Variants in TUT1 observed in about 807,000 individuals in gnomAD.
The protein encoded by TUT1 is terminal uridylyl transferase 1, U6 snRNA-specific.
In TUT1, 26 loss-of-function variants were observed where a neutral mutation model predicts 48.8. That is an observed-to-expected ratio of 0.53 (90% confidence interval 0.39 to 0.74). The LOEUF is 0.74. Among genes scored for constraint, TUT1 ranks in the 30% least tolerant of loss-of-function variants. The pLI is 0.00. For missense variants in TUT1, 1,065 were observed against 1,114.8 expected, an observed-to-expected ratio of 0.96 and a Z score of 0.64; for synonymous variants, 470 against 460.8, an observed-to-expected ratio of 1.02 and a Z score of -0.26.
intron 3 of TUT1, 32 bp from the exon 4 acceptor site, chr11:62,581,238 G>A: frequency 6.2e-7 from 1 of 1,606,210 alleles, no homozygotes; most frequent in Non-Finnish European, 8.5e-7. Context: ...AAGGTCAAGA[G>A]AAGTTAGGGA....
At chr11:62,582,671 CTA>C (rs1391532220) in intron 2 of TUT1, 4 of 432,992 alleles carry the variant, frequency 9.2e-6, no homozygotes, top group Non-Finnish European at 1.9e-5. Flanking sequence ...CAGTCTGCCT[CTA>C]AAAACCTCAT....
In TUT1 at chr11:62,589,148, G is replaced by A; in HGVS notation, c.156C>T (p.Ala52=). The A allele has an allele frequency of 1.2e-6, 2 of 1,614,212 alleles. No homozygotes were observed. Among genetic ancestry groups the A allele is most frequent in the South Asian group, 2.2e-5 (2 of 91,086 alleles). The change falls in exon 2 of 9, where the codon GCC becomes GCT. Residue 52 remains alanine, a synonymous_variant. Coordinates refer to ENST00000476907, the MANE Select transcript of TUT1 (RefSeq NM_022830.3). The stretch of plus-strand genomic sequence containing the variant: ...TGACAAACACACTTCGAAGTCCCTG[G>A]GCCTTTCTCGCAGCTCGTAGTTCTA... ...HLVELRAARK[A]QGLRSVFVSG... is the part of the protein sequence containing the mutation.
Position 62,576,048 on chromosome 11 carries a change from G to A in TUT1, c.1671C>T (p.Ser557=). 6.2e-7 allele frequency: 1 copy of A among 1,613,898 alleles called. No individual in the cohort carries two copies. The highest frequency in any genetic ancestry group is 8.5e-7 in the Non-Finnish European group (1 of 1,180,042). ...LSHNVAANVT[S]RVAGRLQNCC... is the part of the protein sequence containing the mutation. ...AGTTCTGTAGGCGCCCAGCCACCCGGCTGGTCACATTGGCTGCGACATTGT... is the reference window on the plus strand; with the variant it reads ...AGTTCTGTAGGCGCCCAGCCACCCGACTGGTCACATTGGCTGCGACATTGT... Residue 557 remains serine, a synonymous_variant, in exon 9 of 9, where the codon AGC becomes AGT. Transcript: ENST00000476907.
intron 4 of TUT1, among the ~76,000 whole-genome samples, chr11:62,579,364 A>G (rs866870263): frequency 1.3e-5 from 2 of 152,180 alleles, no homozygotes; most frequent in Non-Finnish European, 2.9e-5. Flanking sequence ...ATCTGTGTCA[A>G]TGTAACATTT....
In TUT1 at chr11:62,576,392, A is replaced by G. The variant is rs1279554626; in HGVS notation, c.1475-148T>C. The G allele has an allele frequency of 2.8e-6, 3 of 1,068,686 alleles. No individual in the cohort carries two copies. The African/African-American group carries it at 4.8e-5, about 17-fold the overall frequency. 66.2% of individuals were successfully genotyped at this position (1,068,686 alleles called of 1,614,324 possible). A position where few individuals can be genotyped will look rare whatever the true frequency, so the allele number is the denominator to read the frequency against. On this transcript the variant is annotated intron_variant, in intron 8 of 8. Coordinates refer to ENST00000476907, the MANE Select transcript of TUT1 (RefSeq NM_022830.3). Reference sequence around the variant, plus strand: ...AGGAAGCTAGGCTTCTCTGATCCCTATAAACAAGAGGTCAAACCTCTCTCC... The same window carrying G: ...AGGAAGCTAGGCTTCTCTGATCCCTGTAAACAAGAGGTCAAACCTCTCTCC...
intron 2 of TUT1, among the ~76,000 whole-genome samples, chr11:62,582,117 G>A (rs190963821): frequency 6.6e-6 from 1 of 152,020 alleles, no homozygotes; most frequent in East Asian, 2.0e-4. Context: ...CTAGTAGCTG[G>A]GATTACAGGC....
rs370722662 is a variant in TUT1 at position 62,581,616 on chromosome 11, C to T, written c.359G>A (p.Arg120His). Residue 120 changes from arginine to histidine, a missense_variant, in exon 3 of 9, where the codon CGC becomes CAC. Transcript: ENST00000476907. ...CTGCTCCCGTGGGCGGACACGCAGG[C>T]GATGTCCTCCCAGGCTGTGCTGGGA... is the stretch of plus-strand genomic sequence containing the variant. ...SQSQHSLGGHRLRVRPREQKE... is the reference protein window; with the variant it reads ...SQSQHSLGGHHLRVRPREQKE... 16 of 1,585,544 alleles carry T rather than the reference C, an allele frequency of 1.0e-5. No homozygotes were observed. The African/African-American group carries it at 1.6e-4, about 16-fold the overall frequency.
chr11:62,578,903 GA>G lies in TUT1; in HGVS notation c.817del (p.Ser273LeufsTer40). The G allele has an allele frequency of 6.3e-7, 1 of 1,590,328 alleles. No individual in the cohort carries two copies. Among genetic ancestry groups the G allele is most frequent in the Non-Finnish European group, 8.6e-7 (1 of 1,167,622 alleles). The part of the protein sequence containing the change: ...DSQPPASPQD[S>X]EALDFETPSS... ...AGGGGTTTCAAAGTCCAGGGCTTCA[GA>G]ATCCTGGGGAGAAGCAGGAGGTTGT... On this transcript the variant is annotated frameshift_variant, in exon 5 of 9. Coordinates refer to ENST00000476907, the MANE Select transcript of TUT1 (RefSeq NM_022830.3). LOFTEE classifies it high-confidence loss of function.
At chr11:62,582,570 C>A (rs1416011524) in intron 2 of TUT1, 3 of 455,038 alleles carry the variant, frequency 6.6e-6, no homozygotes. Context: ...CCACTACACA[C>A]CAGCCTGAGA....
At position 62,575,806 on chromosome 11, in the gene TUT1, G is replaced by GC; in HGVS notation, c.1912dup (p.Ala638GlyfsTer34). 6.2e-7 allele frequency: 1 copy of GC among 1,614,148 alleles called. No individual in the cohort carries two copies. The highest frequency in any genetic ancestry group is 8.5e-7 in the Non-Finnish European group (1 of 1,180,038). The stretch of plus-strand genomic sequence containing the variant: ...TCCTTCTGACCGCGTTCTCTTGGTT[G>GC]CCTGTTCTATATGGCACCCCAGTGC... On this transcript the variant is annotated frameshift_variant, in exon 9 of 9. Coordinates refer to ENST00000476907, the MANE Select transcript of TUT1 (RefSeq NM_022830.3). LOFTEE classifies it low-confidence loss of function (END_TRUNC).
At position 62,576,935 on chromosome 11, in the gene TUT1, G is replaced by A. The variant is rs764348567; in HGVS notation, c.1353C>T (p.Pro451=). The change falls in exon 7 of 9, where the codon CCC becomes CCT. Residue 451 remains proline, a synonymous_variant. Transcript: ENST00000476907. ...CTTTCTGGGTGAGCTGGGACACAGT[G>A]GGCAACACAGGAGGGTCCCTGGTCT... ...FLQTRDPPVL[P]TVSQLTQKAG... 2 of 1,614,116 alleles carry A rather than the reference G, an allele frequency of 1.2e-6. No homozygotes were observed. The highest frequency in any genetic ancestry group is 3.3e-4 in the Middle Eastern group (2 of 6,044).
intron 2 of TUT1, among the ~76,000 whole-genome samples, chr11:62,584,451 T>C (rs1941877476): frequency 6.6e-6 from 1 of 150,796 alleles, no homozygotes; most frequent in Middle Eastern, 3.2e-3. Context: ...TTTTTTTTTT[T>C]TTTTTTTTGA....
rs1941724048 is a variant in TUT1 at position 62,576,156 on chromosome 11, A to G, written c.1563T>C (p.Pro521=). 1.2e-6 allele frequency: 2 copies of G among 1,613,954 alleles called. No homozygotes were observed. Among genetic ancestry groups the G allele is most frequent in the South Asian group, 1.1e-5 (1 of 91,058 alleles). Residue 521 remains proline (P), a synonymous_variant, in exon 9 of 9, where the codon CCT becomes CCC. Transcript: ENST00000476907. ...LLSLREGQAL[P]VAGGLPSNLW... ...GATTAGAAGGCAGGCCCCCTGCCACAGGCAGTGCCTGACCCTCCCGCAGGG... is the reference window on the plus strand; with the variant it reads ...GATTAGAAGGCAGGCCCCCTGCCACGGGCAGTGCCTGACCCTCCCGCAGGG...
rs139345196 is a variant in TUT1 at position 62,575,551 on chromosome 11, G to C, written c.2168C>G (p.Ala723Gly). 3.8e-5 allele frequency: 61 copies of C among 1,613,918 alleles called. No individual in the cohort carries two copies. Among genetic ancestry groups the C allele is most frequent in the Non-Finnish European group, 5.2e-5 (61 of 1,180,022 alleles). The change falls in exon 9 of 9, where the codon GCC (alanine) becomes GGC (glycine). Residue 723 changes from alanine to glycine, a missense_variant. Transcript: ENST00000476907. Reference sequence around the variant, plus strand: ...GCTGGGCTGCCCCTCTTCTCCAGGGGCTCCATGCTTTCCAGTGGTCAGGGG... The same window carrying C: ...GCTGGGCTGCCCCTCTTCTCCAGGGCCTCCATGCTTTCCAGTGGTCAGGGG... The part of the protein sequence containing the change: ...DLPLTTGKHG[A>G]PGEEGQPSHA...
At chr11:62,578,275 G>A (rs1279750737) in intron 5 of TUT1, among the ~76,000 whole-genome samples, 1 of 151,992 alleles carries the variant, frequency 6.6e-6, no homozygotes, top group Non-Finnish European at 1.5e-5. Context: ...AGAAAGGTAT[G>A]GTGCCTCACG....
rs760028884 is a variant in TUT1 at position 62,581,520 on chromosome 11, G to A, written c.455C>T (p.Ala152Val). 27 of 1,614,188 alleles carry A rather than the reference G, an allele frequency of 1.7e-5. No homozygotes were observed. Among genetic ancestry groups the A allele is most frequent in the East Asian group, 4.5e-5 (2 of 44,882 alleles). Residue 152 changes from alanine (A) to valine (V), a missense_variant, in exon 3 of 9, where the codon GCG becomes GTG. Ala to Val is a moderately conservative substitution (Grantham distance 64). Transcript: ENST00000476907. ...AAPDSHQLAK[A>V]LAEAADVGAQ... ...CCCCACGTCTGCAGCCTCAGCTAGC[G>A]CTTTGGCCAGCTGGTGACTGTCGGG...
intron 4 of TUT1, 35 bp downstream of exon 4, chr11:62,581,071 C>T: frequency 6.4e-7 from 1 of 1,574,680 alleles, no homozygotes; most frequent in Non-Finnish European, 8.7e-7. Context: ...TTCTCATGGA[C>T]TTTTCCCAGC....
chr11:62,589,597 G>A (rs1182058373), intron 1 of TUT1, among the ~76,000 whole-genome samples: 1 of 151,984 alleles, frequency 6.6e-6, no homozygotes, highest in Non-Finnish European at 1.5e-5. Flanking sequence ...AGAGACGAGG[G>A]TTCCCAGGAG....
rs1341862502 is a variant in TUT1 at position 62,578,572 on chromosome 11, G to T, written c.1149C>A (p.Ser383=). The T allele has an allele frequency of 6.3e-7, 1 of 1,599,236 alleles. No individual in the cohort carries two copies. Residue 383 remains serine (S), a synonymous_variant, in exon 5 of 9, where the codon TCC becomes TCA. Coordinates refer to ENST00000476907, the MANE Select transcript of TUT1 (RefSeq NM_022830.3). ...AAAAAGAAAGGTACCGGTTACTGAG[G>T]GAGACATCACCGTGGAGACCTGAAG... The part of the protein sequence containing the change: ...HRPSGLHGDV[S]LSNRLALHNS...
Sources: gnomAD v4.1 joint callset for allele counts (sites outside exome capture counted in the v4.1 genomes callset) on GRCh38, gnomAD v4.1.1 for gene constraint, MANE v1.5 for transcripts, NCBI Gene and HGNC (gene_info 2026-07-23, HGNC 2026-07-21) for gene names.